NUMB: variants seen among roughly 807,000 people sequenced by gnomAD.
The protein encoded by NUMB is NUMB endocytic adaptor protein.
NUMB carries 29 observed loss-of-function variants against 59.7 expected under a neutral mutation model. That is an observed-to-expected ratio of 0.49 (90% CI 0.36 to 0.66). The LOEUF is 0.66. Ranked by LOEUF, NUMB falls within the 30% of genes least tolerant of loss-of-function variation. The pLI is 0.00. For missense variants in NUMB, 723 were observed against 822.0 expected, an observed-to-expected ratio of 0.88 and a Z score of 1.47; for synonymous variants, 288 against 288.2, an observed-to-expected ratio of 1.00 and a Z score of 0.01.
intron 3 of NUMB, among the ~76,000 whole-genome samples, chr14:73,356,800 C>A (rs1893808814): frequency 6.6e-6 from 1 of 152,102 alleles, no homozygotes; most frequent in Non-Finnish European, 1.5e-5. Flanking sequence ...TCAAGCAATC[C>A]TCCCATCTCA....
At chr14:73,431,641 C>T (rs1462893315) in intron 1 of NUMB, among the ~76,000 whole-genome samples, 1 of 151,360 alleles carries the variant, frequency 6.6e-6, no homozygotes, top group Non-Finnish European at 1.5e-5. Context: ...CCCAGCTACT[C>T]GGGAGGCTGA....
chr14:73,370,109 G>T (rs928156038), intron 2 of NUMB, among the ~76,000 whole-genome samples: 2 of 151,458 alleles, frequency 1.3e-5, no homozygotes, highest in African/African-American at 4.8e-5. Context: ...AAATCTAATT[G>T]TTATTGTAAT....
chr14:73,282,921 T>A (rs1888728663), intron 10 of NUMB, among the ~76,000 whole-genome samples: 1 of 152,204 alleles, frequency 6.6e-6, no homozygotes, highest in African/African-American at 2.4e-5. Flanking sequence ...CCTTTAGTAA[T>A]TCTGTCAGGA....
intron 2 of NUMB, among the ~76,000 whole-genome samples, chr14:73,388,065 C>T (rs1050683535): frequency 6.6e-6 from 1 of 151,846 alleles, no homozygotes; most frequent in Admixed American, 6.6e-5. Flanking sequence ...TATGATCATA[C>T]CACTTCCAGC....
intron 4 of NUMB, among the ~76,000 whole-genome samples, chr14:73,350,173 C>CTT (rs552677993): frequency 0.019 from 2,253 of 121,712 alleles, 135 homozygotes; most frequent in African/African-American, 0.064. Flanking sequence ...AACTAGGTGT[C>CTT]TTTTTTTTTT....
chr14:73,384,528 C>A (rs1372039492), intron 2 of NUMB, among the ~76,000 whole-genome samples: 1 of 152,120 alleles, frequency 6.6e-6, no homozygotes, highest in Non-Finnish European at 1.5e-5. Context: ...AAAGAATCAA[C>A]AATACATACA....
intron 4 of NUMB, among the ~76,000 whole-genome samples, chr14:73,327,920 C>T (rs1891749981): frequency 1.3e-5 from 2 of 152,302 alleles, no homozygotes; most frequent in Non-Finnish European, 2.9e-5. Flanking sequence ...CCACCACACC[C>T]AGTCCCCAGC....
chr14:73,456,096 T>C (rs1327477372), intron 1 of NUMB, among the ~76,000 whole-genome samples: 1 of 150,008 alleles, frequency 6.7e-6, no homozygotes, highest in Non-Finnish European at 1.5e-5. Flanking sequence ...TGGAATATAA[T>C]ACTCCCAAAA....
intron 1 of NUMB, among the ~76,000 whole-genome samples, chr14:73,437,209 C>T (rs926991446): frequency 4.6e-5 from 7 of 151,876 alleles, no homozygotes; most frequent in Non-Finnish European, 1.0e-4. Flanking sequence ...CCATGCCTGG[C>T]TAATTTTTGT....
chr14:73,312,413 A>G (rs1890824395), intron 6 of NUMB, among the ~76,000 whole-genome samples: 1 of 151,984 alleles, frequency 6.6e-6, no homozygotes, highest in Non-Finnish European at 1.5e-5. Context: ...TAGGCATACA[A>G]CACATAAGCC....
chr14:73,354,474 G>A (rs910516415), intron 4 of NUMB, among the ~76,000 whole-genome samples: 10 of 145,030 alleles, frequency 6.9e-5, no homozygotes, highest in African/African-American at 2.6e-4. Context: ...TGGTGCCACT[G>A]CACTCCAGCC....
chr14:73,365,933 G>T (rs1040187874), intron 3 of NUMB, among the ~76,000 whole-genome samples: 2 of 152,208 alleles, frequency 1.3e-5, no homozygotes. Flanking sequence ...AGGTCATTCA[G>T]TGTGCACATT....
intron 2 of NUMB, among the ~76,000 whole-genome samples, chr14:73,367,801 C>A (rs1894446322): frequency 6.9e-6 from 1 of 144,192 alleles, no homozygotes; most frequent in Non-Finnish European, 1.5e-5. Flanking sequence ...AAGATGGATT[C>A]GTGTGGTACT....
At position 73,446,914 on chromosome 14, in the gene NUMB, C is replaced by T. The variant is rs747593551; in HGVS notation, c.-233+11579G>A. Among the ~76,000 whole-genome samples, 35 of 151,790 alleles carry T rather than the reference C, an allele frequency of 2.3e-4. 1 individual carries two copies. Among genetic ancestry groups the T allele is most frequent in the African/African-American group, 5.3e-4 (22 of 41,396 alleles). ...TTTTAAAAATAAAAATAAGGCCGGGCGCAGTGGCTCACGCCTGTAATCCCA... is the reference window on the plus strand; with the variant it reads ...TTTTAAAAATAAAAATAAGGCCGGGTGCAGTGGCTCACGCCTGTAATCCCA... On this transcript the variant is annotated intron_variant, in intron 1 of 12. Transcript: ENST00000555238.
chr14:73,457,534 T>C (rs1419929862), intron 1 of NUMB: 2 of 152,382 alleles, frequency 1.3e-5, no homozygotes, highest in South Asian at 4.1e-4. Context: ...TATCCCCTCC[T>C]ATAGGGATTC....
At position 73,350,074 on chromosome 14, in the gene NUMB, T is replaced by TACACACACACACAC. The variant is rs1172254479; in HGVS notation, c.126+5551_126+5552insGTGTGTGTGTGTGT. ...ATACATACATATATACATACATACA[T>TACACACACACACAC]ACATACACACACACACACACACACA... On this transcript the variant is annotated intron_variant, in intron 4 of 12. Transcript: ENST00000555238. 5.4e-3 allele frequency among the ~76,000 whole-genome samples: 703 copies of TACACACACACACAC among 131,072 alleles called. 13 individuals are homozygous for TACACACACACACAC. The highest frequency in any genetic ancestry group is 0.021 in the African/African-American group (669 of 32,548). 86.0% of individuals were successfully genotyped at this position (131,072 alleles called of 152,430 possible). A position where few individuals can be genotyped will look rare whatever the true frequency, so the allele number is the denominator to read the frequency against.
At chr14:73,417,744 C>T (rs1421631029) in intron 1 of NUMB, among the ~76,000 whole-genome samples, 1 of 152,088 alleles carries the variant, frequency 6.6e-6, no homozygotes, top group Non-Finnish European at 1.5e-5. Flanking sequence ...ATATTCAAGG[C>T]AACATCATTC....
At chr14:73,438,206 G>T (rs1448354277) in intron 1 of NUMB, among the ~76,000 whole-genome samples, 1 of 152,172 alleles carries the variant, frequency 6.6e-6, no homozygotes, top group Non-Finnish European at 1.5e-5. Flanking sequence ...CAGAAATACT[G>T]AAAGTCATAT....
rs74064625 is a variant in NUMB, at chr14:73,391,906, A to C, written c.-101+18031T>G. ...AAATAATCCTGGAAGACTGTTGTAC[A>C]TCTGTTTACCAATTCTACTGGGGAA... On this transcript the variant is annotated intron_variant, in intron 2 of 12. Coordinates refer to ENST00000555238, the MANE Select transcript of NUMB (RefSeq NM_001005743.2). Among the ~76,000 whole-genome samples the C allele has an allele frequency of 4.1e-3, 630 of 152,328 alleles. 4 individuals carry two copies. The highest frequency in any genetic ancestry group is 0.015 in the African/African-American group (603 of 41,560).
Sources: allele counts gnomAD v4.1 joint callset (sites outside exome capture counted in the v4.1 genomes callset), GRCh38; gene constraint gnomAD v4.1.1; transcripts MANE v1.5; gene names NCBI Gene and HGNC (gene_info 2026-07-23, HGNC 2026-07-21).